Variants in SH3BP4 observed in about 807,000 individuals in gnomAD.
SH3BP4 encodes the protein SH3 domain-binding protein 4.
A neutral mutation model predicts 65.5 loss-of-function variants in SH3BP4; 33 were observed. That is an observed-to-expected ratio of 0.50 (90% CI 0.38 to 0.67). The LOEUF (loss-of-function observed/expected upper bound fraction) is 0.67. SH3BP4 is among the 30% of genes least tolerant of loss of function. The probability of loss-of-function intolerance (pLI) is 0.00; values close to 1 mark genes in which losing one functional copy is unlikely to be tolerated. For synonymous variants in SH3BP4, 552 were observed against 545.5 expected, an observed-to-expected ratio of 1.01 and a Z score of -0.17; for missense variants, 1,134 against 1,261.4, an observed-to-expected ratio of 0.90 and a Z score of 1.53.
Position 234,953,462 on chromosome 2 carries a change from C to T in SH3BP4, c.-207+1292C>T, listed in dbSNP as rs562023443. Among the ~76,000 whole-genome samples, 7 of 152,314 alleles carry T rather than the reference C, an allele frequency of 4.6e-5. No homozygotes were observed. The South Asian group carries it at 1.5e-3, about 32-fold the overall frequency. On this transcript the variant is annotated intron_variant, in intron 1 of 5. Coordinates refer to ENST00000392011, the MANE Select transcript of SH3BP4 (RefSeq NM_014521.3). ...CCTACCCGGGCAGAATCTCTGCTGG[C>T]CACGAGTCCCCTTCCCAGTGGGCTG... is the stretch of plus-strand genomic sequence containing the variant.
rs1190296639 is a variant in SH3BP4 at position 234,952,766 on chromosome 2, G to C, written c.-207+596G>C. 1 of 152,226 alleles carries C rather than the reference G, an allele frequency of 6.6e-6. No homozygotes were observed. The highest frequency in any genetic ancestry group is 3.2e-3 in the Middle Eastern group (1 of 316). 9.4% of individuals were successfully genotyped at this position (152,226 alleles called of 1,614,324 possible). On this transcript the variant is annotated intron_variant, in intron 1 of 5. Coordinates refer to ENST00000392011, the MANE Select transcript of SH3BP4 (RefSeq NM_014521.3). The surrounding 1 kb of genome is among the most constrained non-coding windows in gnomAD (Gnocchi z 6.5). ...AACTCCGGTTTCTGGCTTGGCGATC[G>C]GGTGACCGAGCAGCCGCGAGGTGAC... is the stretch of plus-strand genomic sequence containing the variant.
In SH3BP4 at chr2:234,974,483, C is replaced by T. The variant is rs2106249877; in HGVS notation, c.-206-20820C>T. Among the ~76,000 whole-genome samples the T allele has an allele frequency of 6.6e-6, 1 of 152,352 alleles. No individual in the cohort carries two copies. Among genetic ancestry groups the T allele is most frequent in the South Asian group, 2.1e-4 (1 of 4,828 alleles). ...TGGGCAGGATGAGTTGCTCTGTGGA[C>T]AGGCAGCCCTGGAGCTAACAGGAGT... On this transcript the variant is annotated intron_variant, in intron 1 of 5. Transcript: ENST00000392011. This position sits in a 1 kb window ranked among gnomAD's most constrained non-coding sequence, Gnocchi z 4.6.
chr2:235,042,281 C>A lies in SH3BP4; in HGVS notation c.1512C>A (p.Leu504=). The A allele has an allele frequency of 1.9e-6, 3 of 1,614,160 alleles. No individual in the cohort carries two copies. Among genetic ancestry groups the A allele is most frequent in the Non-Finnish European group, 2.5e-6 (3 of 1,180,042 alleles). Residue 504 remains leucine, a synonymous_variant, in exon 4 of 6, where the codon CTC becomes CTA. Transcript: ENST00000392011. This position sits in a 1 kb window ranked among gnomAD's most constrained non-coding sequence, Gnocchi z 7.3. ...IFGHDCAPKT[L]LVSEVTRQAP... ...GGCATGACTGTGCCCCAAAGACGCT[C>A]CTGGTCAGCGAGGTCACACGCCAGG...
At chr2:235,019,789 A>G (rs1385022226) in intron 2 of SH3BP4, among the ~76,000 whole-genome samples, 2 of 150,566 alleles carry the variant, frequency 1.3e-5, no homozygotes, top group South Asian at 2.1e-4. Flanking sequence ...TACCTTCTCA[A>G]TCTAGAAGGT....
intron 2 of SH3BP4, among the ~76,000 whole-genome samples, chr2:235,029,007 T>C (rs1695092913): frequency 1.3e-5 from 2 of 152,172 alleles, no homozygotes. Context: ...TTGGAGGGTT[T>C]CAAACAGAGT....
Position 235,043,225 on chromosome 2 carries a change from C to A in SH3BP4, c.2456C>A (p.Ser819Tyr), listed in dbSNP as rs746421344. 19 of 1,579,290 alleles carry A rather than the reference C, an allele frequency of 1.2e-5. No individual in the cohort carries two copies. The highest frequency in any genetic ancestry group is 5.7e-5 in the South Asian group (5 of 87,630). ...CNNTENKERKSFQKELVMALL... is the reference protein window; with the variant it reads ...CNNTENKERKYFQKELVMALL... ...AACACTGAGAACAAAGAACGGAAGT[C>A]CTTCCAGAAGGAGCTTGTGATGGTG... The change falls in exon 4 of 6, where the codon TCC becomes TAC. Residue 819 changes from serine (S) to tyrosine (Y), a missense_variant. Ser to Tyr is a moderately radical substitution (Grantham distance 144). Transcript: ENST00000392011.
chr2:234,990,957 A>C (rs1017369472), intron 1 of SH3BP4, among the ~76,000 whole-genome samples: 2 of 152,012 alleles, frequency 1.3e-5, no homozygotes, highest in African/African-American at 2.4e-5. Context: ...CTCTGTGTGC[A>C]TGTCTGTTGA....
Position 234,976,034 on chromosome 2 carries a change from C to A in SH3BP4, c.-206-19269C>A, listed in dbSNP as rs563014807. 6.6e-6 allele frequency among the ~76,000 whole-genome samples: 1 copy of A among 152,214 alleles called. No homozygotes were observed. Among genetic ancestry groups the A allele is most frequent in the Non-Finnish European group, 1.5e-5 (1 of 68,044 alleles). On this transcript the variant is annotated intron_variant, in intron 1 of 5. Coordinates refer to ENST00000392011, the MANE Select transcript of SH3BP4 (RefSeq NM_014521.3). The surrounding 1 kb of genome is among the most constrained non-coding windows in gnomAD (Gnocchi z 4.7). The stretch of plus-strand genomic sequence containing the variant: ...TCGTCAGCCCCATAGAAACTGAGCT[C>A]TCCAAATTGAACGAGGACCCCAGAA...
chr2:235,001,816 G>A (rs971495240), intron 2 of SH3BP4, among the ~76,000 whole-genome samples: 1 of 152,178 alleles, frequency 6.6e-6, no homozygotes, highest in Admixed American at 6.5e-5. Context: ...CATTTGAAGA[G>A]GAATTATGAA....
intron 2 of SH3BP4, among the ~76,000 whole-genome samples, chr2:235,032,342 G>T (rs1485453655): frequency 6.6e-6 from 1 of 152,226 alleles, no homozygotes; most frequent in Admixed American, 6.5e-5. Flanking sequence ...AAGGCCACAT[G>T]GCAAGTACCA....
chr2:235,036,978 A>G (rs1300011205), intron 3 of SH3BP4, among the ~76,000 whole-genome samples: 1 of 152,092 alleles, frequency 6.6e-6, no homozygotes, highest in Non-Finnish European at 1.5e-5. Context: ...TGACCCAGGC[A>G]GTTTGCTAGC....
At chr2:235,027,716 G>C (rs1380941491) in intron 2 of SH3BP4, among the ~76,000 whole-genome samples, 1 of 152,210 alleles carries the variant, frequency 6.6e-6, no homozygotes, top group Non-Finnish European at 1.5e-5. Flanking sequence ...TTTATGCCTC[G>C]ATCCCCTCCA....
chr2:235,011,518 GGGTGACTCAGTTCCACCCATAACAGT>G (rs1377870163), intron 2 of SH3BP4, among the ~76,000 whole-genome samples: 5 of 152,140 alleles, frequency 3.3e-5, no homozygotes, highest in Non-Finnish European at 4.4e-5. Context: ...ACATCTTTTG[GGGTGACTCAGTTCCACCCATAACAGT>G]GGCTCTCGCT....
intron 1 of SH3BP4, chr2:234,979,494 C>T (rs1693285735): frequency 1.3e-5 from 2 of 152,212 alleles, no homozygotes; most frequent in African/African-American, 4.8e-5. Context: ...CTGAGATGGC[C>T]TTCAGTGATC....
Position 235,053,581 on chromosome 2 carries a change from C to G in SH3BP4, c.2668-11C>G. On this transcript the variant is annotated splice_polypyrimidine_tract_variant and intron_variant, in intron 5 of 5. Coordinates refer to ENST00000392011, the MANE Select transcript of SH3BP4 (RefSeq NM_014521.3). ...CTCCCTCCTTTTGTTTTTTACAACT[C>G]CACCTCCCAGGCCATGTGGAAGCCT... 6.2e-7 allele frequency: 1 copy of G among 1,609,290 alleles called. No homozygotes were observed. Among genetic ancestry groups the G allele is most frequent in the Non-Finnish European group, 8.5e-7 (1 of 1,175,810 alleles).
intron 1 of SH3BP4, among the ~76,000 whole-genome samples, chr2:234,993,235 G>A (rs1220509379): frequency 6.6e-6 from 1 of 152,204 alleles, no homozygotes; most frequent in Non-Finnish European, 1.5e-5. Context: ...ACGTTCTCTT[G>A]GGGTGATCCG....
intron 3 of SH3BP4, 52 bp from the exon 4 acceptor site, chr2:235,040,836 G>C: frequency 6.6e-7 from 1 of 1,526,166 alleles, no homozygotes; most frequent in South Asian, 1.2e-5. Flanking sequence ...AAGCTCTCCG[G>C]ACACCCCGCC....
rs1694739612 is a variant in SH3BP4, at chr2:235,017,892, A to G, written c.-132-16979A>G. ...AACCAGTTTTTTTGGTTCTTCCTGA[A>G]ACGCAGCAAGACTCTTGGTGGGTCC... On this transcript the variant is annotated intron_variant, in intron 2 of 5. Transcript: ENST00000392011. Among the ~76,000 whole-genome samples the G allele has an allele frequency of 1.3e-5, 2 of 152,188 alleles. 1 individual carries two copies. The highest frequency in any genetic ancestry group is 4.1e-4 in the South Asian group (2 of 4,826).
chr2:235,008,942 G>A lies in SH3BP4; in HGVS notation c.-133+13566G>A, dbSNP rs373555678. Among the ~76,000 whole-genome samples, 15 of 152,182 alleles carry A rather than the reference G, an allele frequency of 9.9e-5. 1 individual carries two copies. The highest frequency in any genetic ancestry group is 5.9e-4 in the Admixed American group (9 of 15,276). ...AGCTCTACCACACCAGCACAACACC[G>A]GGGTTCCAGCTGGCTTACAGGGGCT... On this transcript the variant is annotated intron_variant, in intron 2 of 5. Transcript: ENST00000392011.
Sources: allele counts gnomAD v4.1 joint callset (sites outside exome capture counted in the v4.1 genomes callset), GRCh38; gene constraint gnomAD v4.1.1; non-coding constraint Gnocchi (gnomAD v3.1); transcripts MANE v1.5; gene names NCBI Gene and HGNC (gene_info 2026-07-23, HGNC 2026-07-21).